Variants in MLIP observed in about 807,000 individuals in gnomAD.
MLIP encodes muscular LMNA-interacting protein.
MLIP carries 79 observed loss-of-function variants against 84.8 expected under a neutral mutation model. The ratio of observed to expected loss-of-function variants is 0.93; its 90% CI spans 0.78 to 1.12. The LOEUF is 1.12. MLIP is among the 50% of genes most tolerant of loss of function. The pLI is 0.00. For missense variants in MLIP, 1,257 were observed against 1,160.6 expected (o/e 1.08, Z -1.21); for synonymous variants, 504 against 463.0 (o/e 1.09, Z -1.14).
At chr6:54,143,706 C>T (rs111983874) in intron 4 of MLIP, among the ~76,000 whole-genome samples, 54 of 152,240 alleles carry the variant, frequency 3.5e-4, no homozygotes, top group Middle Eastern at 3.4e-3. Flanking sequence ...CCAGGCTTGT[C>T]TAGGACTTGA....
At chr6:54,212,450 AGAGATGGAAAGT>A (rs1445724084) in intron 11 of MLIP, among the ~76,000 whole-genome samples, 1 of 152,156 alleles carries the variant, frequency 6.6e-6, no homozygotes, top group African/African-American at 2.4e-5. Context: ...ACATGTTTGG[AGAGATGGAAAGT>A]CTTAATTTAT....
At chr6:54,246,029 T>G (rs898174507) in intron 12 of MLIP, among the ~76,000 whole-genome samples, 1 of 152,152 alleles carries the variant, frequency 6.6e-6, no homozygotes, top group Non-Finnish European at 1.5e-5. Context: ...AAAGCACAAC[T>G]CAGACATTTA....
At chr6:54,178,182 G>T (rs917457793) in intron 9 of MLIP, among the ~76,000 whole-genome samples, 6 of 152,024 alleles carry the variant, frequency 3.9e-5, no homozygotes, top group Non-Finnish European at 4.4e-5. Context: ...TGCATGTCCT[G>T]CACATGTATC....
chr6:54,117,618 T>C (rs1329617751), intron 1 of MLIP, among the ~76,000 whole-genome samples: 2 of 151,956 alleles, frequency 1.3e-5, no homozygotes, highest in Non-Finnish European at 2.9e-5. Context: ...AGCAGTTAAA[T>C]TGACCTTGTT....
At chr6:54,197,802 C>T (rs1778403817) in intron 10 of MLIP, among the ~76,000 whole-genome samples, 1 of 152,076 alleles carries the variant, frequency 6.6e-6, no homozygotes, top group South Asian at 2.1e-4. Flanking sequence ...CAATGACAAT[C>T]TTACAGTAGT....
At position 54,217,329 on chromosome 6, in the gene MLIP, C is replaced by T; in HGVS notation, c.2719-13385C>T. ...GATGTGCAGGCTTTAATAAGAAGAGCTCAAAATGCCGTAAAATGCCCTTTG... is the reference window on the plus strand; with the variant it reads ...GATGTGCAGGCTTTAATAAGAAGAGTTCAAAATGCCGTAAAATGCCCTTTG... On this transcript the variant is annotated intron_variant, in intron 11 of 13. Coordinates refer to ENST00000502396, the MANE Select transcript of MLIP (RefSeq NM_001281747.2). 3 of 985,296 alleles carry T rather than the reference C, an allele frequency of 3.0e-6. No individual in the cohort carries two copies. In the South Asian group the frequency reaches 1.4e-4, roughly 46 times the overall value. 61.0% of individuals were successfully genotyped at this position (985,296 alleles called of 1,614,324 possible). A position where few individuals can be genotyped will look rare whatever the true frequency, so the allele number is the denominator to read the frequency against.
chr6:54,110,364 G>T (rs777561856), upstream of MLIP, among the ~76,000 whole-genome samples: 3 of 152,008 alleles, frequency 2.0e-5, no homozygotes, highest in Non-Finnish European at 4.4e-5. Context: ...CAAACCATTA[G>T]CTTTTTGAGG....
intron 10 of MLIP, among the ~76,000 whole-genome samples, chr6:54,200,295 T>C (rs568171166): frequency 1.2e-4 from 19 of 152,236 alleles, no homozygotes; most frequent in Non-Finnish European, 1.6e-4. Flanking sequence ...TCCAAAGTGC[T>C]CCTGATTAGA....
intron 9 of MLIP, among the ~76,000 whole-genome samples, chr6:54,188,510 T>A (rs1296822869): frequency 6.6e-6 from 1 of 152,076 alleles, no homozygotes; most frequent in East Asian, 1.9e-4. Context: ...GACACAAACA[T>A]ACACATTAGC....
In MLIP at chr6:54,247,396, C is replaced by T. The variant is rs73440523; in HGVS notation, c.2923-9912C>T. 8.4e-3 allele frequency among the ~76,000 whole-genome samples: 1,281 copies of T among 152,146 alleles called. 23 individuals carry two copies. Among genetic ancestry groups the T allele is most frequent in the African/African-American group, 0.029 (1,207 of 41,526 alleles). On this transcript the variant is annotated intron_variant, in intron 12 of 13. Transcript: ENST00000502396. Reference sequence around the variant, plus strand: ...GAACATAGCTGGAAGTAAAAGAAGACAGATTCTCCAGAAGGAAGATTTTAG... The same window carrying T: ...GAACATAGCTGGAAGTAAAAGAAGATAGATTCTCCAGAAGGAAGATTTTAG...
At chr6:54,119,277 T>C (rs1453610326) in intron 1 of MLIP, among the ~76,000 whole-genome samples, 1 of 152,350 alleles carries the variant, frequency 6.6e-6, no homozygotes, top group South Asian at 2.1e-4. Context: ...AACTAAGATA[T>C]AGAATTAAAC....
chr6:54,239,976 T>C (rs1781626361), intron 12 of MLIP, among the ~76,000 whole-genome samples: 1 of 152,208 alleles, frequency 6.6e-6, no homozygotes, highest in Non-Finnish European at 1.5e-5. Context: ...ACTCTACTTA[T>C]AGTGAAATGC....
chr6:54,052,698 A>G (rs1765443049), intron 1 of MLIP, among the ~76,000 whole-genome samples: 1 of 152,170 alleles, frequency 6.6e-6, no homozygotes, highest in African/African-American at 2.4e-5. Flanking sequence ...ATAAATTATA[A>G]GGAAAAAATT....
At chr6:54,258,333 G>A (rs1783156323) in intron 13 of MLIP, among the ~76,000 whole-genome samples, 1 of 151,966 alleles carries the variant, frequency 6.6e-6, no homozygotes, top group Non-Finnish European at 1.5e-5. Context: ...TCCTAAACTG[G>A]CATCCCTATT....
chr6:54,261,962 A>G (rs1279133507), intron 13 of MLIP, among the ~76,000 whole-genome samples: 1 of 152,028 alleles, frequency 6.6e-6, no homozygotes, highest in African/African-American at 2.4e-5. Context: ...ATTCCTATGC[A>G]TTGATAGACA....
chr6:54,239,201 G>A (rs1430325869), intron 12 of MLIP, among the ~76,000 whole-genome samples: 1 of 151,672 alleles, frequency 6.6e-6, no homozygotes, highest in Non-Finnish European at 1.5e-5. Flanking sequence ...GTCTTGCCCA[G>A]AACCCCTCAT....
chr6:54,032,557 AT>A (rs1443480604), intron 1 of MLIP: 1 of 140,266 alleles, frequency 7.1e-6, no homozygotes, highest in Admixed American at 6.8e-5. Context: ...AAGGGATTTT[AT>A]TTATTTTATT....
intron 5 of MLIP, among the ~76,000 whole-genome samples, chr6:54,150,798 A>G (rs1773362874): frequency 1.3e-5 from 2 of 152,208 alleles, no homozygotes; most frequent in South Asian, 4.1e-4. Context: ...AATTAACTAA[A>G]TTATTGAGCT....
rs373898597 is a variant in MLIP at position 54,262,067 on chromosome 6, G to A, written c.2977-3883G>A. Among the ~76,000 whole-genome samples the A allele has an allele frequency of 8.6e-5, 13 of 151,964 alleles. 1 individual carries two copies. In the East Asian group the frequency reaches 2.3e-3, roughly 27 times the overall value. On this transcript the variant is annotated intron_variant, in intron 13 of 13. Transcript: ENST00000502396. Reference sequence around the variant, plus strand: ...TAGCCACCTTTCCCAGTCATCAGGTGAGCAGGGAAATAATAAAGGAAAGGA... The same window carrying A: ...TAGCCACCTTTCCCAGTCATCAGGTAAGCAGGGAAATAATAAAGGAAAGGA...
Sources: gnomAD v4.1 joint callset for allele counts (sites outside exome capture counted in the v4.1 genomes callset) on GRCh38, gnomAD v4.1.1 for gene constraint, MANE v1.5 for transcripts, NCBI Gene and HGNC (gene_info 2026-07-23, HGNC 2026-07-21) for gene names.